Variants in CIMAP1D observed in about 807,000 individuals in gnomAD.
CIMAP1D encodes CIMAP1 family member D.
the CIMAP1D span, among the ~76,000 whole-genome samples, chr19:488,630 C>G: frequency 6.8e-6 from 1 of 147,266 alleles, no homozygotes; most frequent in African/African-American, 2.7e-5. Context: ...CCCGGTGACC[C>G]TGACCCGCGA....
At chr19:472,276 C>T in the CIMAP1D span, 4 of 529,476 alleles carry the variant, frequency 7.6e-6, no homozygotes, top group African/African-American at 2.0e-5. Flanking sequence ...CCAGCCCTGC[C>T]TGCTTCCTGC....
At chr19:482,931 C>T in the CIMAP1D span, among the ~76,000 whole-genome samples, 1 of 152,210 alleles carries the variant, frequency 6.6e-6, no homozygotes, top group Non-Finnish European at 1.5e-5. Flanking sequence ...AGGCAGACCT[C>T]CTGCGCCCAT....
the CIMAP1D span, chr19:464,446 A>G: frequency 2.5e-6 from 2 of 814,034 alleles, no homozygotes; most frequent in Admixed American, 4.9e-5. Flanking sequence ...GCCCACATGC[A>G]CCCTGGAGCT....
chr19:472,014 G>T, the CIMAP1D span, among the ~76,000 whole-genome samples: 1 of 152,226 alleles, frequency 6.6e-6, no homozygotes, highest in African/African-American at 2.4e-5. Flanking sequence ...CTTAAGTGCT[G>T]GGATTTCAGG....
the CIMAP1D span, among the ~76,000 whole-genome samples, chr19:491,473 G>T: frequency 6.6e-6 from 1 of 152,090 alleles, no homozygotes; most frequent in South Asian, 2.1e-4. Context: ...TCCTGGCTGG[G>T]CCCCCGTCTT....
chr19:486,691 G>A, the CIMAP1D span, among the ~76,000 whole-genome samples: 1 of 151,652 alleles, frequency 6.6e-6, no homozygotes, highest in East Asian at 2.0e-4. Context: ...GAGGCGAGCA[G>A]ATCACGAGAT....
the CIMAP1D span, among the ~76,000 whole-genome samples, chr19:479,011 C>T: frequency 6.0e-4 from 91 of 152,324 alleles, no homozygotes; most frequent in African/African-American, 2.0e-3. Flanking sequence ...GCAGAGGGCA[C>T]GTCGCGCTAT....
At chr19:466,741 GTGGATGGGTGGATGGT>G in the CIMAP1D span, among the ~76,000 whole-genome samples, 21 of 134,830 alleles carry the variant, frequency 1.6e-4, no homozygotes, top group South Asian at 1.3e-3. Flanking sequence ...AGATGGATGA[GTGGATGGGTGGATGGT>G]TGGGTGGGTG....
chr19:467,749 G>A, the CIMAP1D span: 2 of 1,602,384 alleles, frequency 1.2e-6, no homozygotes, highest in Non-Finnish European at 1.7e-6. Flanking sequence ...CCGGGCTGGT[G>A]TCCTGAGGTG....
chr19:467,153 T>G, the CIMAP1D span, among the ~76,000 whole-genome samples: 60 of 22,360 alleles, frequency 2.7e-3, no homozygotes, highest in South Asian at 4.1e-3. Flanking sequence ...GATGGGTGGG[T>G]GGTTGGGTGG....
At chr19:488,635 C>G in the CIMAP1D span, among the ~76,000 whole-genome samples, 1 of 152,238 alleles carries the variant, frequency 6.6e-6, no homozygotes, top group Non-Finnish European at 1.5e-5. Flanking sequence ...TGACCCTGAC[C>G]CGCGAAGCGG....
the CIMAP1D span, chr19:467,744 C>T: frequency 6.2e-7 from 1 of 1,605,078 alleles, no homozygotes; most frequent in Non-Finnish European, 8.5e-7. Flanking sequence ...GGGGCCCGGG[C>T]TGGTGTCCTG....
At chr19:469,738 G>A in the CIMAP1D span, among the ~76,000 whole-genome samples, 1 of 151,972 alleles carries the variant, frequency 6.6e-6, no homozygotes, top group Non-Finnish European at 1.5e-5. Flanking sequence ...TAATCCCATC[G>A]CCCCTCCACA....
chr19:472,198 A>G, the CIMAP1D span, among the ~76,000 whole-genome samples: 7 of 152,320 alleles, frequency 4.6e-5, no homozygotes, highest in African/African-American at 1.4e-4. Flanking sequence ...TATCAATGAA[A>G]AAACAGAGAG....
the CIMAP1D span, among the ~76,000 whole-genome samples, chr19:487,106 C>G: frequency 1.8e-4 from 28 of 152,210 alleles, no homozygotes; most frequent in South Asian, 5.2e-3. Context: ...CTGCCTGCCC[C>G]CTTCCCTGCC....
the CIMAP1D span, among the ~76,000 whole-genome samples, chr19:481,770 CTTTTT>C: frequency 1.9e-5 from 2 of 106,772 alleles, no homozygotes; most frequent in Non-Finnish European, 4.0e-5. Flanking sequence ...GAACCTCCTA[CTTTTT>C]TTTTTTTTTT....
At chr19:463,860 G>C in the CIMAP1D span, 1 of 1,609,514 alleles carries the variant, frequency 6.2e-7, no homozygotes, top group East Asian at 2.2e-5. Context: ...GCAGCGGCCG[G>C]GCAGCCTGTG....
chr19:485,414 G>T, the CIMAP1D span, among the ~76,000 whole-genome samples: 6 of 152,256 alleles, frequency 3.9e-5, no homozygotes, highest in African/African-American at 1.4e-4. Flanking sequence ...TGAGTGGAAT[G>T]AAGCTCTACA....
At chr19:469,690 CA>C in the CIMAP1D span, among the ~76,000 whole-genome samples, 24 of 151,308 alleles carry the variant, frequency 1.6e-4, no homozygotes, top group Non-Finnish European at 2.5e-4. Flanking sequence ...GACTCAGTCT[CA>C]AAAAGAAAAA....
Sources: gnomAD v4.1 joint callset for allele counts (sites outside exome capture counted in the v4.1 genomes callset) on GRCh38, gnomAD v4.1.1 for gene constraint, MANE v1.5 for transcripts, NCBI Gene and HGNC (gene_info 2026-07-23, HGNC 2026-07-21) for gene names.